HPSE2: variants seen among roughly 807,000 people sequenced by gnomAD.
HPSE2 encodes inactive heparanase-2.
HPSE2 carries 38 observed loss-of-function variants against 60.5 expected under a neutral mutation model. The observed-to-expected ratio is 0.63, with a 90% CI of 0.48 to 0.82. HPSE2 has a LOEUF of 0.82. Ranked by LOEUF, HPSE2 falls within the 40% of genes least tolerant of loss-of-function variation. HPSE2 has a pLI of 0.00. For synonymous variants in HPSE2, 295 were observed against 293.2 expected, an observed-to-expected ratio of 1.01 and a Z score of -0.06; for missense variants, 713 against 740.4, an observed-to-expected ratio of 0.96 and a Z score of 0.43.
At chr10:99,227,395 C>A (rs1350700055) in intron 2 of HPSE2, among the ~76,000 whole-genome samples, 1 of 151,986 alleles carries the variant, frequency 6.6e-6, no homozygotes, top group Non-Finnish European at 1.5e-5. Context: ...AAGGTAGAAA[C>A]AGATACAATT....
chr10:98,520,593 G>C (rs992901691), intron 9 of HPSE2, among the ~76,000 whole-genome samples: 1 of 152,212 alleles, frequency 6.6e-6, no homozygotes, highest in African/African-American at 2.4e-5. Flanking sequence ...CGCAAAGTAA[G>C]ATCTATCCTT....
the HPSE2 span, among the ~76,000 whole-genome samples, chr10:99,302,093 A>T: frequency 6.6e-6 from 1 of 151,892 alleles, no homozygotes; most frequent in Non-Finnish European, 1.5e-5. Context: ...CACATGAGGG[A>T]GTAAAAAGGG....
At chr10:99,217,595 G>GTGC (rs1410494832) in intron 2 of HPSE2, among the ~76,000 whole-genome samples, 3 of 151,786 alleles carry the variant, frequency 2.0e-5, no homozygotes, top group Admixed American at 6.6e-5. Context: ...TGTTGTTGTT[G>GTGC]TGCTGCTGCT....
chr10:98,697,408 G>C (rs1427100996), intron 5 of HPSE2, among the ~76,000 whole-genome samples: 1 of 152,168 alleles, frequency 6.6e-6, no homozygotes, highest in Non-Finnish European at 1.5e-5. Flanking sequence ...AAGAATATCA[G>C]AGTTTGAAGA....
At chr10:99,062,127 T>C (rs889912208) in intron 3 of HPSE2, among the ~76,000 whole-genome samples, 6 of 152,206 alleles carry the variant, frequency 3.9e-5, no homozygotes, top group Non-Finnish European at 8.8e-5. Context: ...CTAACCAATA[T>C]TACATCCTAG....
chr10:98,524,855 CA>C (rs751270921), intron 9 of HPSE2, among the ~76,000 whole-genome samples: 52 of 152,182 alleles, frequency 3.4e-4, no homozygotes, highest in Non-Finnish European at 5.3e-4. Flanking sequence ...CTTACATGCA[CA>C]ATATAAAGAT....
At chr10:98,671,719 T>C (rs1479421949) in intron 6 of HPSE2, among the ~76,000 whole-genome samples, 1 of 152,168 alleles carries the variant, frequency 6.6e-6, no homozygotes, top group Non-Finnish European at 1.5e-5. Flanking sequence ...ATAGTTCCTA[T>C]GTTGAGATGT....
chr10:98,982,935 C>A (rs1323150053), intron 3 of HPSE2, among the ~76,000 whole-genome samples: 1 of 152,122 alleles, frequency 6.6e-6, no homozygotes, highest in Non-Finnish European at 1.5e-5. Context: ...AAGACTAGTT[C>A]GGGAGACATT....
intron 2 of HPSE2, among the ~76,000 whole-genome samples, chr10:99,153,576 G>T (rs1846381807): frequency 6.6e-6 from 1 of 151,310 alleles, no homozygotes; most frequent in Admixed American, 6.6e-5. Context: ...AAACAGAAAG[G>T]ACATCCACAC....
At chr10:99,077,536 A>G (rs1413148543) in intron 3 of HPSE2, among the ~76,000 whole-genome samples, 4 of 151,326 alleles carry the variant, frequency 2.6e-5, no homozygotes, top group Non-Finnish European at 4.4e-5. Context: ...CAATTATTCT[A>G]TTCTTCAGTT....
intron 3 of HPSE2, among the ~76,000 whole-genome samples, chr10:99,033,261 G>T (rs1365703056): frequency 6.6e-6 from 1 of 152,002 alleles, no homozygotes; most frequent in Non-Finnish European, 1.5e-5. Flanking sequence ...ATTTCCTTTT[G>T]GGGGGAGATT....
chr10:98,691,743 C>T (rs1175344127), intron 6 of HPSE2, among the ~76,000 whole-genome samples: 1 of 152,124 alleles, frequency 6.6e-6, no homozygotes, highest in Non-Finnish European at 1.5e-5. Flanking sequence ...ACTTTAAGTC[C>T]AACATTTTCC....
intron 11 of HPSE2, among the ~76,000 whole-genome samples, chr10:98,477,384 T>G (rs746259594): frequency 6.6e-6 from 1 of 152,170 alleles, no homozygotes; most frequent in Non-Finnish European, 1.5e-5. Context: ...CCAGATGGCT[T>G]GGCCACAGAC....
intron 9 of HPSE2, among the ~76,000 whole-genome samples, chr10:98,533,280 C>A (rs1256016820): frequency 2.0e-5 from 3 of 152,080 alleles, no homozygotes; most frequent in African/African-American, 7.2e-5. Context: ...GCTCAAACAG[C>A]GTAAAGTAGA....
At chr10:98,527,596 TC>T (rs36058912) in intron 9 of HPSE2, among the ~76,000 whole-genome samples, 1 of 152,132 alleles carries the variant, frequency 6.6e-6, no homozygotes, top group East Asian at 1.9e-4. Context: ...AGTGGCCACT[TC>T]CCCAGAATTC....
intron 3 of HPSE2, among the ~76,000 whole-genome samples, chr10:99,031,620 G>A (rs1439392760): frequency 2.0e-5 from 3 of 152,198 alleles, no homozygotes; most frequent in Middle Eastern, 3.2e-3. Context: ...CACTAAAATG[G>A]AGGTATGATT....
intron 3 of HPSE2, among the ~76,000 whole-genome samples, chr10:98,989,011 G>T (rs1442206748): frequency 3.3e-5 from 5 of 150,234 alleles, no homozygotes; most frequent in South Asian, 2.2e-4. Flanking sequence ...TGCTGGAGAG[G>T]ATGTGGAGAA....
At chr10:99,101,660 C>T (rs1396619583) in intron 3 of HPSE2, among the ~76,000 whole-genome samples, 1 of 152,224 alleles carries the variant, frequency 6.6e-6, no homozygotes, top group Non-Finnish European at 1.5e-5. Context: ...GAACTCTCCA[C>T]CCCAAATCAA....
At chr10:98,928,988 T>TAATA (rs75302353) in intron 3 of HPSE2, among the ~76,000 whole-genome samples, 73,300 of 130,778 alleles carry the variant, frequency 0.56, 24,036 homozygotes, top group Non-Finnish European at 0.64. Context: ...TAAAGTATAA[T>TAATA]AATAAATAAA....
Sources: gnomAD v4.1 joint callset for allele counts (sites outside exome capture counted in the v4.1 genomes callset) on GRCh38, gnomAD v4.1.1 for gene constraint, MANE v1.5 for transcripts, NCBI Gene and HGNC (gene_info 2026-07-23, HGNC 2026-07-21) for gene names.